Variants in PKHD1 observed in about 807,000 individuals in gnomAD.
PKHD1 encodes the protein fibrocystin.
In PKHD1, 291 loss-of-function variants were observed where a neutral mutation model predicts 412.0. The observed-to-expected ratio is 0.71, with a 90% confidence interval of 0.64 to 0.78. The LOEUF (loss-of-function observed/expected upper bound fraction) is 0.78. Ranked by LOEUF, PKHD1 falls within the 30% of genes least tolerant of loss-of-function variation. The pLI, the probability that PKHD1 is intolerant of heterozygous loss-of-function variation, is 0.00. For synonymous variants in PKHD1, 1,777 were observed against 1,821.5 expected (o/e 0.98, Z 0.62); for missense variants, 4,825 against 4,950.7 (o/e 0.97, Z 0.76).
At chr6:52,052,949 A>G in intron 21 of PKHD1, 127 bp downstream of exon 21, 1 of 805,128 alleles carries the variant, frequency 1.2e-6, no homozygotes, top group East Asian at 2.6e-5. Context: ...TCTGTTTTCT[A>G]GAGCCAAGGC....
chr6:52,048,808 G>A (rs746356486), intron 22 of PKHD1, among the ~76,000 whole-genome samples, 189 bp from the exon 23 acceptor site: 2 of 152,280 alleles, frequency 1.3e-5, no homozygotes, highest in Admixed American at 6.5e-5. Flanking sequence ...AACTTAATTC[G>A]TGTCTATCAT....
chr6:52,044,922 C>T (rs1400237350), intron 25 of PKHD1, 44 bp downstream of exon 25: 15 of 1,610,456 alleles, frequency 9.3e-6, no homozygotes, highest in Non-Finnish European at 1.2e-5. Context: ...GTGAGTTAGA[C>T]TTGAAACTGG....
At chr6:51,885,399 G>T (rs4715258) in intron 45 of PKHD1, among the ~76,000 whole-genome samples, 1 of 151,928 alleles carries the variant, frequency 6.6e-6, no homozygotes, top group Non-Finnish European at 1.5e-5. Context: ...TTAAGACTGG[G>T]GCATGTATTA....
intron 60 of PKHD1, among the ~76,000 whole-genome samples, chr6:51,660,725 C>T (rs917889349): frequency 1.2e-4 from 19 of 152,132 alleles, no homozygotes; most frequent in Middle Eastern, 3.2e-3. Flanking sequence ...TAGGACAAGG[C>T]ATGTGGGAAG....
At chr6:51,636,512 A>T (rs1482465223) in intron 64 of PKHD1, among the ~76,000 whole-genome samples, 3 of 152,048 alleles carry the variant, frequency 2.0e-5, no homozygotes, top group Admixed American at 6.6e-5. Flanking sequence ...GAGCCACTGC[A>T]CTCCAGCCTG....
intron 61 of PKHD1, among the ~76,000 whole-genome samples, chr6:51,658,573 G>C (rs1772269913): frequency 6.6e-6 from 1 of 152,070 alleles, no homozygotes; most frequent in African/African-American, 2.4e-5. Flanking sequence ...AGTAGCAACA[G>C]AATAACATCT....
chr6:51,914,704 C>A (rs1431554806), intron 37 of PKHD1, among the ~76,000 whole-genome samples: 1 of 152,096 alleles, frequency 6.6e-6, no homozygotes, highest in Admixed American at 6.6e-5. Context: ...TTCAAAGACT[C>A]TCCATAATGT....
Position 51,981,909 on chromosome 6 carries a change from T to C in PKHD1, c.5752-21883A>G, listed in dbSNP as rs1340839273. ...CCCCGCTGCCTTCCCATCTAGGAAG[T>C]GAGGAGCGTCTCTGCCCGGCCGCCC... On this transcript the variant is annotated intron_variant, in intron 35 of 66. Coordinates refer to ENST00000371117, the MANE Select transcript of PKHD1 (RefSeq NM_138694.4). Among the ~76,000 whole-genome samples, 6 of 92,008 alleles carry C rather than the reference T, an allele frequency of 6.5e-5. 1 individual carries two copies. Among genetic ancestry groups the C allele is most frequent in the Non-Finnish European group, 1.4e-4 (5 of 36,466 alleles). The allele number at this position is 92,008 out of a possible 152,430, so 60.4% of individuals were successfully genotyped here.
chr6:51,811,028 A>G (rs1467253811), intron 52 of PKHD1, among the ~76,000 whole-genome samples: 2 of 152,162 alleles, frequency 1.3e-5, no homozygotes, highest in African/African-American at 2.4e-5. Flanking sequence ...CTTCTCCTCA[A>G]TATCAATGAG....
intron 60 of PKHD1, among the ~76,000 whole-genome samples, chr6:51,671,070 A>G (rs553124908): frequency 6.6e-6 from 1 of 152,138 alleles, no homozygotes; most frequent in Admixed American, 6.5e-5. Context: ...CATTCTCTGT[A>G]GTTCCTGAAT....
At position 51,939,877 on chromosome 6, in the gene PKHD1, C is replaced by A. The variant is rs936525587; in HGVS notation, c.5909-5555G>T. Reference sequence around the variant, plus strand: ...AATTCTTCCTCAGCCTCTGCTCCCCCACCCTATAATCCTTTTATCACCTCC... The same window carrying A: ...AATTCTTCCTCAGCCTCTGCTCCCCAACCCTATAATCCTTTTATCACCTCC... On this transcript the variant is annotated intron_variant, in intron 36 of 66. Transcript: ENST00000371117. Among the ~76,000 whole-genome samples, 8 of 151,626 alleles carry A rather than the reference C, an allele frequency of 5.3e-5. No individual in the cohort carries two copies. In the East Asian group the frequency reaches 1.4e-3, roughly 26 times the overall value.
At chr6:51,904,107 C>T in intron 41 of PKHD1, 65 bp from the exon 42 acceptor site, 1 of 1,018,418 alleles carries the variant, frequency 9.8e-7, no homozygotes, top group South Asian at 1.3e-5. Flanking sequence ...AGAGATGCTG[C>T]AACACTACTT....
At chr6:51,831,581 C>T (rs554555087) in intron 51 of PKHD1, among the ~76,000 whole-genome samples, 1 of 152,286 alleles carries the variant, frequency 6.6e-6, no homozygotes, top group Non-Finnish European at 1.5e-5. Flanking sequence ...GCAGTGTTAA[C>T]TGTCTCTATG....
At chr6:52,063,559 G>C (rs894152377) in intron 13 of PKHD1, among the ~76,000 whole-genome samples, 8 of 152,322 alleles carry the variant, frequency 5.3e-5, no homozygotes, top group African/African-American at 1.9e-4. Flanking sequence ...AGAAAAGTAA[G>C]AGCATATTTT....
chr6:51,679,567 C>A (rs553384916), intron 60 of PKHD1, among the ~76,000 whole-genome samples: 11 of 151,860 alleles, frequency 7.2e-5, no homozygotes, highest in Non-Finnish European at 1.6e-4. Context: ...AAACCTTCGA[C>A]TGATATTTTA....
At chr6:51,983,717 C>T (rs1186296230) in intron 35 of PKHD1, among the ~76,000 whole-genome samples, 1 of 152,210 alleles carries the variant, frequency 6.6e-6, no homozygotes, top group Non-Finnish European at 1.5e-5. Flanking sequence ...CAGCTCCTTA[C>T]AAGCTGTCTT....
intron 52 of PKHD1, among the ~76,000 whole-genome samples, chr6:51,818,092 T>A (rs1377493142): frequency 3.9e-5 from 6 of 152,014 alleles, no homozygotes. Flanking sequence ...TCAAACGAGA[T>A]CCAGGGCTTT....
At chr6:51,815,432 C>CA (rs1765294657) in intron 52 of PKHD1, among the ~76,000 whole-genome samples, 1 of 150,516 alleles carries the variant, frequency 6.6e-6, no homozygotes, top group Non-Finnish European at 1.5e-5. Flanking sequence ...TGTTAAAGGA[C>CA]AAAAATAAAT....
intron 37 of PKHD1, among the ~76,000 whole-genome samples, chr6:51,933,298 G>A (rs1786939052): frequency 1.3e-5 from 2 of 152,166 alleles, no homozygotes; most frequent in South Asian, 4.1e-4. Flanking sequence ...AGAACACACT[G>A]TAGCCTAATC....
Sources: gnomAD v4.1 joint callset for allele counts (sites outside exome capture counted in the v4.1 genomes callset) on GRCh38, gnomAD v4.1.1 for gene constraint, MANE v1.5 for transcripts, NCBI Gene and HGNC (gene_info 2026-07-23, HGNC 2026-07-21) for gene names.